The following ERC2 variants were observed in gnomAD, a reference collection of about 807,000 sequenced individuals.
ERC2 encodes the protein ERC protein 2.
In ERC2, 42 loss-of-function variants were observed where a neutral mutation model predicts 114.8. That is an observed-to-expected ratio of 0.37 (90% CI 0.29 to 0.47). The LOEUF (loss-of-function observed/expected upper bound fraction) is 0.47. ERC2 is among the 20% of genes least tolerant of loss of function. ERC2 has a pLI of 0.99. For synonymous variants in ERC2, 454 were observed against 425.5 expected (o/e 1.07, Z -0.82); for missense variants, 939 against 1,150.7 (o/e 0.82, Z 2.66).
At chr3:56,155,997 T>C (rs1008808494) in intron 4 of ERC2, among the ~76,000 whole-genome samples, 5 of 152,150 alleles carry the variant, frequency 3.3e-5, no homozygotes, top group Non-Finnish European at 7.4e-5. Context: ...TACTAGGTTC[T>C]GAAAGCGAGT....
Position 55,546,300 on chromosome 3 carries a change from G to A in ERC2, c.*40-35024C>T, listed in dbSNP as rs545592748. 5.3e-5 allele frequency among the ~76,000 whole-genome samples: 8 copies of A among 152,182 alleles called. No homozygotes were observed. The East Asian group carries it at 1.2e-3, about 22-fold the overall frequency. On this transcript the variant is annotated intron_variant, in intron 17 of 17. Coordinates refer to ENST00000288221, the MANE Select transcript of ERC2 (RefSeq NM_015576.3). ...CTTTGCCTTCCCTATGCCCTCCTCC[G>A]GGAGCACTGTCCCCTCAGCCCTGGC...
At chr3:56,383,574 A>C (rs1408250033) in intron 2 of ERC2, among the ~76,000 whole-genome samples, 1 of 152,252 alleles carries the variant, frequency 6.6e-6, no homozygotes, top group Non-Finnish European at 1.5e-5. Flanking sequence ...GTGCTGAATG[A>C]ATGAATGAAT....
At chr3:56,235,875 G>A (rs2050909950) in intron 3 of ERC2, among the ~76,000 whole-genome samples, 1 of 152,188 alleles carries the variant, frequency 6.6e-6, no homozygotes, top group Admixed American at 6.5e-5. Flanking sequence ...AGAAAGTTCT[G>A]CTGTCAACAA....
At chr3:56,111,730 T>C (rs893897795) in intron 6 of ERC2, among the ~76,000 whole-genome samples, 2 of 152,186 alleles carry the variant, frequency 1.3e-5, no homozygotes, top group Non-Finnish European at 2.9e-5. Flanking sequence ...ACAGCCAGTT[T>C]CCACTGAACC....
chr3:55,647,255 C>G (rs962652888), intron 17 of ERC2: 2 of 151,936 alleles, frequency 1.3e-5, no homozygotes, highest in Non-Finnish European at 2.9e-5. Flanking sequence ...AAAGTCTACA[C>G]TCGCCTGGGA....
intron 14 of ERC2, among the ~76,000 whole-genome samples, chr3:55,855,547 G>A (rs1430658459): frequency 9.2e-5 from 14 of 152,180 alleles, no homozygotes; most frequent in Admixed American, 9.2e-4. Context: ...TTGGTAGGGG[G>A]GGATGATTTA....
chr3:55,551,566 T>C (rs2055212280), intron 17 of ERC2, among the ~76,000 whole-genome samples: 1 of 151,888 alleles, frequency 6.6e-6, no homozygotes, highest in Non-Finnish European at 1.5e-5. Flanking sequence ...CAAAAAGAAA[T>C]TGGCTCACGT....
chr3:56,288,138 A>G (rs749354049), intron 3 of ERC2, among the ~76,000 whole-genome samples: 3 of 152,198 alleles, frequency 2.0e-5, no homozygotes, highest in African/African-American at 4.8e-5. Flanking sequence ...GGTATAGCTG[A>G]GCCTGTCTCA....
chr3:55,555,629 T>C (rs2055548850), intron 17 of ERC2, among the ~76,000 whole-genome samples: 1 of 152,178 alleles, frequency 6.6e-6, no homozygotes, highest in Non-Finnish European at 1.5e-5. Context: ...GTGGGCAAAA[T>C]AGTTAAACTT....
At chr3:55,764,188 G>A (rs1055244088) in intron 14 of ERC2, among the ~76,000 whole-genome samples, 1 of 152,198 alleles carries the variant, frequency 6.6e-6, no homozygotes, top group African/African-American at 2.4e-5. Context: ...TTAAAAAAGT[G>A]TTTATCTCTC....
At chr3:55,967,915 C>T (rs1183846615) in intron 12 of ERC2, among the ~76,000 whole-genome samples, 4 of 152,126 alleles carry the variant, frequency 2.6e-5, no homozygotes, top group Non-Finnish European at 4.4e-5. Flanking sequence ...AGCAAGAAGG[C>T]CCTCACCAGA....
intron 6 of ERC2, among the ~76,000 whole-genome samples, chr3:56,115,376 A>G (rs2079170959): frequency 6.6e-6 from 1 of 152,074 alleles, no homozygotes; most frequent in South Asian, 2.1e-4. Context: ...CGAAGGTGAG[A>G]CTTGGGGAGG....
chr3:56,333,707 T>C (rs1302802869), intron 2 of ERC2, among the ~76,000 whole-genome samples: 1 of 152,182 alleles, frequency 6.6e-6, no homozygotes, highest in Non-Finnish European at 1.5e-5. Flanking sequence ...CATTTTTTTT[T>C]TCATTTTCAG....
intron 12 of ERC2, among the ~76,000 whole-genome samples, chr3:55,957,055 G>A (rs913279776): frequency 2.0e-5 from 3 of 152,112 alleles, no homozygotes; most frequent in Non-Finnish European, 4.4e-5. Context: ...GACACACCAA[G>A]AACATGATAA....
intron 3 of ERC2, among the ~76,000 whole-genome samples, chr3:56,240,370 T>C (rs1164202472): frequency 6.6e-6 from 1 of 152,196 alleles, no homozygotes; most frequent in Non-Finnish European, 1.5e-5. Flanking sequence ...AAATAACTAA[T>C]CTCAGTCAGG....
chr3:55,851,188 T>TTTTTTTTTTTTTTTTTTTTTTGAGACGG (rs1427189122), intron 14 of ERC2, among the ~76,000 whole-genome samples: 21 of 148,060 alleles, frequency 1.4e-4, no homozygotes, highest in South Asian at 2.3e-4. Context: ...ATGATTTTTT[T>TTTTTTTTTTTTTTTTTTTTTTGAGACGG]AAGCCCATGC....
chr3:55,950,556 T>C lies in ERC2; in HGVS notation c.2272A>G (p.Met758Val), dbSNP rs1306444095. The change falls in exon 13 of 18, where the codon ATG (methionine) becomes GTG (valine). Residue 758 changes from methionine to valine, a missense_variant. Physicochemically the swap from Met to Val is conservative, Grantham distance 21. Transcript: ENST00000288221. ...GCCACCTTCTTATTCTGATCTTTCATATGCCTGAGAAAAGTCAGCACAGCT... is the reference window on the plus strand; with the variant it reads ...GCCACCTTCTTATTCTGATCTTTCACATGCCTGAGAAAAGTCAGCACAGCT... ...AELESLTLRHMKDQNKKVANL... is the reference protein window; with the variant it reads ...AELESLTLRHVKDQNKKVANL... 1 of 1,614,028 alleles carries C rather than the reference T, an allele frequency of 6.2e-7. No individual in the cohort carries two copies. The highest frequency in any genetic ancestry group is 1.1e-5 in the South Asian group (1 of 91,086).
At chr3:55,761,378 C>G (rs927534992) in intron 14 of ERC2, among the ~76,000 whole-genome samples, 22 of 151,722 alleles carry the variant, frequency 1.5e-4, no homozygotes, top group Non-Finnish European at 4.4e-5. Context: ...TTGAGATGTG[C>G]TTATACTAAA....
chr3:56,096,335 T>C (rs1398112624), intron 6 of ERC2, among the ~76,000 whole-genome samples: 4 of 152,208 alleles, frequency 2.6e-5, no homozygotes, highest in African/African-American at 9.6e-5. Context: ...GGCATTTTCA[T>C]GAGGCCCCTC....
Sources: gnomAD v4.1 joint callset for allele counts (sites outside exome capture counted in the v4.1 genomes callset) on GRCh38, gnomAD v4.1.1 for gene constraint, MANE v1.5 for transcripts, NCBI Gene and HGNC (gene_info 2026-07-23, HGNC 2026-07-21) for gene names.